The following ARHGEF7 variants were observed in gnomAD, a reference collection of about 807,000 sequenced individuals.
ARHGEF7 encodes PAK-interacting exchange factor beta.
A neutral mutation model predicts 109.8 loss-of-function variants in ARHGEF7; 33 were observed. The observed-to-expected ratio is 0.30, with a 90% CI of 0.23 to 0.40. The LOEUF is 0.40. Among genes scored for constraint, ARHGEF7 ranks in the 10% least tolerant of loss-of-function variants. ARHGEF7 has a pLI of 1.00. For synonymous variants in ARHGEF7, 458 were observed against 424.6 expected (o/e 1.08, Z -0.97); for missense variants, 938 against 1,098.5 (o/e 0.85, Z 2.07).
At chr13:111,156,105 A>T (rs2076309063) in intron 2 of ARHGEF7, among the ~76,000 whole-genome samples, 1 of 148,978 alleles carries the variant, frequency 6.7e-6, no homozygotes, top group African/African-American at 2.5e-5. Context: ...AAAAAAAAGT[A>T]AATTGAATGT....
intron 2 of ARHGEF7, among the ~76,000 whole-genome samples, chr13:111,162,596 C>G (rs2076829458): frequency 1.3e-5 from 2 of 152,160 alleles, no homozygotes. Flanking sequence ...GGCAGTCCAG[C>G]ATCGTAAGGA....
intron 6 of ARHGEF7, among the ~76,000 whole-genome samples, chr13:111,236,974 CA>C (rs954619513): frequency 1.7e-4 from 26 of 152,088 alleles, no homozygotes; most frequent in African/African-American, 4.6e-4. Context: ...CCTAAAAAAC[CA>C]AAAAACACCT....
At chr13:111,155,311 C>T (rs2076227614) in intron 2 of ARHGEF7, among the ~76,000 whole-genome samples, 1 of 152,162 alleles carries the variant, frequency 6.6e-6, no homozygotes, top group Non-Finnish European at 1.5e-5. Flanking sequence ...CCTAGAACAT[C>T]AAATCTGTGA....
intron 2 of ARHGEF7, among the ~76,000 whole-genome samples, chr13:111,187,593 T>C (rs900600428): frequency 4.6e-5 from 7 of 152,268 alleles, no homozygotes; most frequent in Non-Finnish European, 8.8e-5. Context: ...ATTTTCATAA[T>C]GTACATTGTG....
At chr13:111,283,455 A>G in intron 16 of ARHGEF7, 92 bp downstream of exon 16, 2 of 1,472,860 alleles carry the variant, frequency 1.4e-6, no homozygotes, top group Non-Finnish European at 9.0e-7. Context: ...TGTGTACAGC[A>G]AAATGCACCC....
intron 17 of ARHGEF7, among the ~76,000 whole-genome samples, chr13:111,286,835 G>C (rs556334603): frequency 3.0e-4 from 46 of 152,342 alleles, no homozygotes; most frequent in Admixed American, 9.8e-4. Context: ...TTTTCCTGGG[G>C]GTGACTGCTG....
At chr13:111,256,037 C>G (rs1595236319) in intron 8 of ARHGEF7, among the ~76,000 whole-genome samples, 1 of 152,104 alleles carries the variant, frequency 6.6e-6, no homozygotes, top group East Asian at 1.9e-4. Flanking sequence ...TAGCTGGAGG[C>G]AACTTATTTT....
chr13:111,220,111 C>G (rs569711283), intron 5 of ARHGEF7, among the ~76,000 whole-genome samples: 222 of 152,362 alleles, frequency 1.5e-3, no homozygotes, highest in African/African-American at 4.7e-3. Context: ...AGCCCATCTC[C>G]TAGCCCAGCC....
At chr13:111,280,758 T>C (rs1435018476) in intron 15 of ARHGEF7, 81 bp downstream of exon 15, 7 of 1,357,036 alleles carry the variant, frequency 5.2e-6, no homozygotes, top group South Asian at 3.4e-5. Flanking sequence ...GATCAGTTGC[T>C]TTAAAACCTA....
intron 5 of ARHGEF7, among the ~76,000 whole-genome samples, chr13:111,224,359 C>T (rs911962755): frequency 4.6e-5 from 7 of 152,342 alleles, no homozygotes; most frequent in African/African-American, 9.6e-5. Flanking sequence ...GTGGCACACA[C>T]GGTTAGCAGC....
At chr13:111,229,507 C>T (rs1290276024) in intron 5 of ARHGEF7, among the ~76,000 whole-genome samples, 1 of 152,036 alleles carries the variant, frequency 6.6e-6, no homozygotes, top group Non-Finnish European at 1.5e-5. Context: ...GTGATTGGTC[C>T]TAATTGCGTA....
At chr13:111,284,714 T>C (rs2092942318) in intron 16 of ARHGEF7, among the ~76,000 whole-genome samples, 1 of 152,152 alleles carries the variant, frequency 6.6e-6, no homozygotes, top group South Asian at 2.1e-4. Context: ...CCGTCCAGTG[T>C]TGCTGAGCAC....
chr13:111,158,487 A>C (rs116259246), intron 2 of ARHGEF7, among the ~76,000 whole-genome samples: 1 of 152,228 alleles, frequency 6.6e-6, no homozygotes, highest in Non-Finnish European at 1.5e-5. Context: ...TGGCACTGCA[A>C]CTAATACTAA....
At chr13:111,292,077 C>G in intron 18 of ARHGEF7, 41 bp from the exon 19 acceptor site, 1 of 1,573,956 alleles carries the variant, frequency 6.4e-7, no homozygotes, top group Non-Finnish European at 8.7e-7. Context: ...TCCTCCTCAC[C>G]CCCTGCCTGT....
At chr13:111,241,399 G>T in intron 6 of ARHGEF7, 1 of 1,514,950 alleles carries the variant, frequency 6.6e-7, no homozygotes, top group Non-Finnish European at 8.9e-7. Context: ...GGCAGAGGGA[G>T]TGGGCACCCC....
Position 111,243,877 on chromosome 13 carries a change from A to G in ARHGEF7, c.765A>G (p.Leu255=), listed in dbSNP as rs2088288262. Residue 255 remains leucine, a synonymous_variant, in exon 7 of 22, where the codon CTA becomes CTG. Coordinates refer to ENST00000646102, the MANE Select transcript of ARHGEF7 (RefSeq NM_001354046.2). ...AINKSYYNVV[L]QNILETENEY... is the part of the protein sequence containing the mutation. ...TTATTCATCATTTATTATAGGTGCT[A>G]CAGAATATTTTAGAAACAGAAAATG... The G allele has an allele frequency of 1.3e-6, 2 of 1,593,830 alleles. No individual in the cohort carries two copies. The highest frequency in any genetic ancestry group is 4.5e-5 in the East Asian group (2 of 44,754).
chr13:111,208,424 G>A (rs559694926), intron 3 of ARHGEF7, among the ~76,000 whole-genome samples: 2 of 152,292 alleles, frequency 1.3e-5, no homozygotes, highest in East Asian at 1.9e-4. Flanking sequence ...ACATTCTTGG[G>A]AAAATTGTCA....
intron 10 of ARHGEF7, 48 bp from the exon 11 acceptor site, chr13:111,274,682 GA>G: frequency 8.2e-7 from 1 of 1,221,616 alleles, no homozygotes; most frequent in South Asian, 1.6e-5. Flanking sequence ...ACCTTTTTAA[GA>G]AAAGCTTTTC....
At chr13:111,178,567 A>T (rs1054421599) in intron 2 of ARHGEF7, among the ~76,000 whole-genome samples, 2 of 152,182 alleles carry the variant, frequency 1.3e-5, no homozygotes, top group African/African-American at 2.4e-5. Context: ...GAGTGTTTTT[A>T]AAAAATGCTG....
Sources: allele counts gnomAD v4.1 joint callset (sites outside exome capture counted in the v4.1 genomes callset), GRCh38; gene constraint gnomAD v4.1.1; transcripts MANE v1.5; gene names NCBI Gene and HGNC (gene_info 2026-07-23, HGNC 2026-07-21).